The following CDC42BPG variants were observed in gnomAD, a reference collection of about 807,000 sequenced individuals.
CDC42BPG encodes the protein CDC42 binding protein kinase gamma.
CDC42BPG carries 157 observed loss-of-function variants against 192.2 expected under a neutral mutation model. The observed-to-expected ratio is 0.82, with a 90% CI of 0.72 to 0.93. CDC42BPG has a LOEUF of 0.93. Ranked by LOEUF, CDC42BPG falls within the 40% of genes least tolerant of loss-of-function variation. The pLI, the probability that CDC42BPG is intolerant of heterozygous loss-of-function variation, is 0.00. For synonymous variants in CDC42BPG, 981 were observed against 918.5 expected, an observed-to-expected ratio of 1.07 and a Z score of -1.23; for missense variants, 1,992 against 2,122.1, an observed-to-expected ratio of 0.94 and a Z score of 1.20.
At chr11:64,827,217 G>A in intron 33 of CDC42BPG, 50 bp from the exon 34 acceptor site, 5 of 1,613,582 alleles carry the variant, frequency 3.1e-6, no homozygotes, top group Admixed American at 1.7e-5. Flanking sequence ...CCCTCCCTTC[G>A]ACCCGTCCAC....
intron 4 of CDC42BPG, 124 bp downstream of exon 4, chr11:64,840,429 T>A: frequency 7.3e-7 from 1 of 1,372,250 alleles, no homozygotes; most frequent in East Asian, 2.4e-5. Flanking sequence ...GCCCAGGAAC[T>A]GGTGGGAAGT....
rs1192152650 is a variant in CDC42BPG at position 64,838,892 on chromosome 11, T to C, written c.887A>G (p.Gln296Arg). The C allele has an allele frequency of 1.4e-6, 2 of 1,426,458 alleles. No homozygotes were observed. Among genetic ancestry groups the C allele is most frequent in the Non-Finnish European group, 1.9e-6 (2 of 1,054,640 alleles). 88.4% of individuals were successfully genotyped at this position (1,426,458 alleles called of 1,614,324 possible). A position where few individuals can be genotyped will look rare whatever the true frequency, so the allele number is the denominator to read the frequency against. Residue 296 changes from glutamine (Q) to arginine (R), a missense_variant, in exon 8 of 37, where the codon CAG becomes CGG. Coordinates refer to ENST00000342711, the MANE Select transcript of CDC42BPG (RefSeq NM_017525.3). ...GKIMNHEDHL[Q>R]FPPDVPDVPA... is the part of the protein sequence containing the mutation. The stretch of plus-strand genomic sequence containing the variant: ...CACGTCAGGCACGTCCGGGGGGAAC[T>C]GCAGGTGGTCCTGTGGGTCGGGGGA...
chr11:64,832,570 A>G, intron 26 of CDC42BPG, 34 bp downstream of exon 26: 1 of 1,613,998 alleles, frequency 6.2e-7, no homozygotes. Context: ...CCTTACCACT[A>G]GTCCCTTGCC....
In CDC42BPG at chr11:64,839,534, C is replaced by T. The variant is rs781088713; in HGVS notation, c.619G>A (p.Gly207Arg). The T allele has an allele frequency of 2.5e-6, 4 of 1,613,138 alleles. No individual in the cohort carries two copies. Among genetic ancestry groups the T allele is most frequent in the South Asian group, 1.1e-5 (1 of 91,056 alleles). The change falls in exon 6 of 37, where the codon GGG (glycine) becomes AGG (arginine). Residue 207 changes from glycine to arginine, a missense_variant. By Grantham distance (125) the Gly-to-Arg change is moderately radical. Transcript: ENST00000342711. ...KPDNVLLDVN[G>R]HIRLADFGSC... ...CCGAAGTCAGCCAGGCGAATGTGCCCGTTCACATCCAGCAGGACGTTGTCT... is the reference window on the plus strand; with the variant it reads ...CCGAAGTCAGCCAGGCGAATGTGCCTGTTCACATCCAGCAGGACGTTGTCT...
chr11:64,830,084 G>A lies in CDC42BPG; in HGVS notation c.3368-14C>T, dbSNP rs758096712. 4.3e-6 allele frequency: 7 copies of A among 1,612,600 alleles called. No homozygotes were observed. The highest frequency in any genetic ancestry group is 1.3e-5 in the African/African-American group (1 of 75,046). ...CCTGGAAGATGTCTGCAGGGTTGGCGAGGGGAGAGTGTCACTGGCAGGTGG... is the reference window on the plus strand; with the variant it reads ...CCTGGAAGATGTCTGCAGGGTTGGCAAGGGGAGAGTGTCACTGGCAGGTGG... On this transcript the variant is annotated splice_polypyrimidine_tract_variant and intron_variant, in intron 29 of 36. Coordinates refer to ENST00000342711, the MANE Select transcript of CDC42BPG (RefSeq NM_017525.3).
Position 64,836,784 on chromosome 11 carries a change from C to CCAGCTCCCGA in CDC42BPG, c.1329_1338dup (p.Glu447SerfsTer37). On this transcript the variant is annotated frameshift_variant, in exon 11 of 37. Coordinates refer to ENST00000342711, the MANE Select transcript of CDC42BPG (RefSeq NM_017525.3). LOFTEE classifies it high-confidence loss of function. ...GTCTGCACTTCCTTCCGTAGCTGCT[C>CCAGCTCCCGA]CAGCTCCCGATGGTCTGTGGGGGCG... 1 of 1,592,002 alleles carries CCAGCTCCCGA rather than the reference C, an allele frequency of 6.3e-7. No individual in the cohort carries two copies.
Position 64,844,472 on chromosome 11 carries a change from T to A in CDC42BPG, c.98A>T (p.His33Leu). 1 of 1,451,820 alleles carries A rather than the reference T, an allele frequency of 6.9e-7. No individual in the cohort carries two copies. 89.9% of individuals were successfully genotyped at this position (1,451,820 alleles called of 1,614,324 possible). A position where few individuals can be genotyped will look rare whatever the true frequency, so the allele number is the denominator to read the frequency against. Reference sequence around the variant, plus strand: ...TAGGGGGCCGCTGCTGAGCTCGTGGTGCAGCGCCAGCAGCAGATCTAGGAG... The same window carrying A: ...TAGGGGGCCGCTGCTGAGCTCGTGGAGCAGCGCCAGCAGCAGATCTAGGAG... ...DGLLDLLLAL[H>L]HELSSGPLRR... The change falls in exon 1 of 37, where the codon CAC becomes CTC. Residue 33 changes from histidine to leucine, a missense_variant. Transcript: ENST00000342711.
At chr11:64,831,833 G>GC in intron 27 of CDC42BPG, 112 bp from the exon 28 acceptor site, 1 of 927,166 alleles carries the variant, frequency 1.1e-6, no homozygotes, top group East Asian at 2.6e-5. Context: ...ACTGTCAGCA[G>GC]CAGGGAGTAG....
chr11:64,843,100 G>A (rs532166096), intron 1 of CDC42BPG, among the ~76,000 whole-genome samples: 1 of 152,248 alleles, frequency 6.6e-6, no homozygotes, highest in African/African-American at 2.4e-5. Flanking sequence ...CCCACAGGCA[G>A]GAGGATCCAG....
At chr11:64,836,882 G>C (rs544699929) in intron 10 of CDC42BPG, 40 bp downstream of exon 10, 1 of 1,611,012 alleles carries the variant, frequency 6.2e-7, no homozygotes, top group South Asian at 1.1e-5. Context: ...GCAGCCCCTA[G>C]GGCCAGCACA....
At chr11:64,826,982 T>A in intron 34 of CDC42BPG, 68 bp downstream of exon 34, 1 of 1,255,444 alleles carries the variant, frequency 8.0e-7, no homozygotes, top group Non-Finnish European at 1.2e-6. Context: ...TGGCTAGAGC[T>A]CACCACAGAG....
chr11:64,830,600 G>A (rs1942639579), intron 28 of CDC42BPG: 1 of 396,702 alleles, frequency 2.5e-6, no homozygotes. Flanking sequence ...AGAGCCCCTT[G>A]CTCAATAAAT....
rs1274552114 is a variant in CDC42BPG at position 64,837,010 on chromosome 11, A to G, written c.1215T>C (p.Pro405=). ...GFTYTSGSHS[P]ESSSEAWAAL... ...CAGCCCAAGCCTCAGAGCTGCTCTC[A>G]GGACTGTGACTGTAGGGGGACAGGG... Residue 405 remains proline (P), a synonymous_variant, in exon 10 of 37, where the codon CCT becomes CCC. Transcript: ENST00000342711. 1.2e-6 allele frequency: 2 copies of G among 1,613,240 alleles called. No homozygotes were observed. The highest frequency in any genetic ancestry group is 1.1e-5 in the South Asian group (1 of 91,090).
chr11:64,837,109 T>C (rs1943056851), intron 9 of CDC42BPG, 90 bp from the exon 10 acceptor site: 1 of 1,160,282 alleles, frequency 8.6e-7, no homozygotes, highest in Admixed American at 1.8e-5. Context: ...TCATTAATTG[T>C]GAAACAGCCA....
In CDC42BPG at chr11:64,833,643, G is replaced by A. The variant is rs749953177; in HGVS notation, c.2582C>T (p.Ala861Val). The change falls in exon 23 of 37, where the codon GCA (alanine) becomes GTA (valine). Residue 861 changes from alanine (A) to valine (V), a missense_variant. Around this residue, in one of 2 missense-constraint regions of CDC42BPG, gnomAD observed 1,656 missense variants for 1,844.3 expected, o/e 0.90. Coordinates refer to ENST00000342711, the MANE Select transcript of CDC42BPG (RefSeq NM_017525.3). Reference sequence around the variant, plus strand: ...TGTAGAGGCTGTGTTGGCAGTGGGTGCTCTGGGGAACACAGCCTGCAGGAG... The same window carrying A: ...TGTAGAGGCTGTGTTGGCAGTGGGTACTCTGGGGAACACAGCCTGCAGGAG... ...SLRMGAVFPR[A>V]PTANTASTEG... 3 of 1,612,276 alleles carry A rather than the reference G, an allele frequency of 1.9e-6. No homozygotes were observed. Among genetic ancestry groups the A allele is most frequent in the East Asian group, 4.5e-5 (2 of 44,850 alleles).
rs748823389 is a variant in CDC42BPG at position 64,827,175 on chromosome 11, C to T, written c.4272-8G>A. 5 of 1,613,702 alleles carry T rather than the reference C, an allele frequency of 3.1e-6. No individual in the cohort carries two copies. Among genetic ancestry groups the T allele is most frequent in the Non-Finnish European group, 4.2e-6 (5 of 1,179,646 alleles). Reference sequence around the variant, plus strand: ...GGGTCCTTCAGCATCTCCCTGTGGGCGGAGGTGTAAGTAGTGGGTGGCGAA... The same window carrying T: ...GGGTCCTTCAGCATCTCCCTGTGGGTGGAGGTGTAAGTAGTGGGTGGCGAA... On this transcript the variant is annotated splice_polypyrimidine_tract_variant and splice_region_variant and intron_variant, in intron 33 of 36. Coordinates refer to ENST00000342711, the MANE Select transcript of CDC42BPG (RefSeq NM_017525.3).
At chr11:64,841,609 A>G in intron 3 of CDC42BPG, 41 bp downstream of exon 3, 1 of 1,123,652 alleles carries the variant, frequency 8.9e-7, no homozygotes, top group Middle Eastern at 2.7e-4. Flanking sequence ...CCCCACACCC[A>G]TTTGTAGGGT....
Position 64,836,733 on chromosome 11 carries a change from G to C in CDC42BPG, c.1384+6C>G. On this transcript the variant is annotated splice_donor_region_variant and intron_variant, in intron 11 of 36. Coordinates refer to ENST00000342711, the MANE Select transcript of CDC42BPG (RefSeq NM_017525.3). Reference sequence around the variant, plus strand: ...GGGGGGGGGGGGGGGTGGGCGGAAGGGATACCTGGCAGCCTGTCCCGCAGA... The same window carrying C: ...GGGGGGGGGGGGGGGTGGGCGGAAGCGATACCTGGCAGCCTGTCCCGCAGA... 1 of 1,334,984 alleles carries C rather than the reference G, an allele frequency of 7.5e-7. No individual in the cohort carries two copies. 82.7% of individuals were successfully genotyped at this position (1,334,984 alleles called of 1,614,324 possible).
In CDC42BPG at chr11:64,827,558, G is replaced by T; in HGVS notation, c.4119C>A (p.Val1373=). The part of the protein sequence containing the change: ...GSLFLYGTEK[V]RLTYLRNQLA... ...GCTGGTTCCTGAGGTAGGTCAGGCG[G>T]ACCTTCTCGGTGCCGTAGAGGAACA... is the stretch of plus-strand genomic sequence containing the variant. Residue 1373 remains valine, a synonymous_variant, in exon 32 of 37, where the codon GTC becomes GTA. Transcript: ENST00000342711. 1 of 1,612,854 alleles carries T rather than the reference G, an allele frequency of 6.2e-7. No individual in the cohort carries two copies. The highest frequency in any genetic ancestry group is 8.5e-7 in the Non-Finnish European group (1 of 1,179,260).
Sources: gnomAD v4.1 joint callset for allele counts (sites outside exome capture counted in the v4.1 genomes callset) on GRCh38, gnomAD v4.1.1 for gene constraint, gnomAD v4.1.1 regional missense constraint, MANE v1.5 for transcripts, NCBI Gene and HGNC (gene_info 2026-07-23, HGNC 2026-07-21) for gene names.